Variants in MYO1A observed in about 807,000 individuals in gnomAD.
The protein encoded by MYO1A is unconventional myosin-Ia.
MYO1A carries 127 observed loss-of-function variants against 138.5 expected under a neutral mutation model. The ratio of observed to expected loss-of-function variants is 0.92; its 90% CI spans 0.79 to 1.06. The LOEUF (loss-of-function observed/expected upper bound fraction) is 1.06, where lower values mean the gene tolerates loss of function less well. MYO1A is among the 50% of genes least tolerant of loss of function. MYO1A has a pLI of 0.00. For missense variants in MYO1A, 1,211 were observed against 1,288.8 expected, an observed-to-expected ratio of 0.94 and a Z score of 0.92; for synonymous variants, 477 against 497.5, an observed-to-expected ratio of 0.96 and a Z score of 0.55.
At chr12:57,048,572 G>A (rs766370149) in intron 1 of MYO1A, among the ~76,000 whole-genome samples, 1 of 152,214 alleles carries the variant, frequency 6.6e-6, no homozygotes. Context: ...TACAGTTGGT[G>A]GGGGTGGGGC....
At position 57,028,899 on chromosome 12, in the gene MYO1A, A is replaced by C. The variant is rs976742743; in HGVS notation, c.3006-18T>G. The C allele has an allele frequency of 4.3e-6, 7 of 1,613,488 alleles. No homozygotes were observed. The highest frequency in any genetic ancestry group is 5.9e-6 in the Non-Finnish European group (7 of 1,179,780). On this transcript the variant is annotated intron_variant, in intron 27 of 27. Coordinates refer to ENST00000300119, the MANE Select transcript of MYO1A (RefSeq NM_005379.4). ...CTGAGAACCTGGAGAGGGAACAGAA[A>C]ACCAAGTCTAGTGCCCATCCCCTCA... is the stretch of plus-strand genomic sequence containing the variant.
chr12:57,047,556 T>A lies in MYO1A; in HGVS notation c.325+71A>T, dbSNP rs2031161334. 3.2e-6 allele frequency: 5 copies of A among 1,557,180 alleles called. No homozygotes were observed. In the South Asian group the frequency reaches 5.6e-5, roughly 17 times the overall value. ...TGTGGGGTGGAGGGTCAGGTCTAGG[T>A]CTGGCTTGCAAAGAGACAAGGAAGC... On this transcript the variant is annotated intron_variant, in intron 4 of 27. Coordinates refer to ENST00000300119, the MANE Select transcript of MYO1A (RefSeq NM_005379.4).
Position 57,029,885 on chromosome 12 carries a change from G to A in MYO1A, c.2592-13C>T. On this transcript the variant is annotated splice_polypyrimidine_tract_variant and intron_variant, in intron 24 of 27. Coordinates refer to ENST00000300119, the MANE Select transcript of MYO1A (RefSeq NM_005379.4). ...TGGAATGGGGACACTGAGAACACAT[G>A]GGAGGTGTGCAGCGCGACAAGGCCC... 6.2e-7 allele frequency: 1 copy of A among 1,614,182 alleles called. No individual in the cohort carries two copies. The highest frequency in any genetic ancestry group is 1.1e-5 in the South Asian group (1 of 91,076).
Position 57,043,196 on chromosome 12 carries a change from G to C in MYO1A, c.1012-38C>G, listed in dbSNP as rs1244446615. On this transcript the variant is annotated intron_variant, in intron 11 of 27. Transcript: ENST00000300119. ...CACAGCTGATTAGGGTGGCATCACA[G>C]AACAGGGTCGAAACAGCCCCCTCCA... is the stretch of plus-strand genomic sequence containing the variant. 5 of 1,613,908 alleles carry C rather than the reference G, an allele frequency of 3.1e-6. No homozygotes were observed. The East Asian group carries it at 8.9e-5, about 29-fold the overall frequency.
chr12:57,047,979 C>T lies in MYO1A; in HGVS notation c.230+10G>A. On this transcript the variant is annotated intron_variant, in intron 3 of 27. Coordinates refer to ENST00000300119, the MANE Select transcript of MYO1A (RefSeq NM_005379.4). ...GGCCCTGTCAGCCTTCCCTTGGTCC[C>T]CCTACTCACATATGGGGCTTCAGCT... 6.2e-7 allele frequency: 1 copy of T among 1,610,366 alleles called. No individual in the cohort carries two copies. Among genetic ancestry groups the T allele is most frequent in the East Asian group, 2.2e-5 (1 of 44,832 alleles).
intron 12 of MYO1A, among the ~76,000 whole-genome samples, chr12:57,042,641 A>G (rs1175907251): frequency 3.3e-5 from 5 of 152,200 alleles, no homozygotes; most frequent in African/African-American, 1.2e-4. Context: ...CATAAAATAT[A>G]GAGTTGGGGT....
chr12:57,043,186 T>C (rs747781365), intron 11 of MYO1A, 28 bp from the exon 12 acceptor site: 3 of 1,613,948 alleles, frequency 1.9e-6, no homozygotes, highest in Admixed American at 3.3e-5. Context: ...CTGATTAGGG[T>C]GGCATCACAG....
At chr12:57,042,607 T>A (rs1263680064) in intron 12 of MYO1A, among the ~76,000 whole-genome samples, 1 of 152,144 alleles carries the variant, frequency 6.6e-6, no homozygotes, top group East Asian at 1.9e-4. Flanking sequence ...TCTTAAATAG[T>A]TTTTTATTTA....
intron 22 of MYO1A, among the ~76,000 whole-genome samples, chr12:57,034,695 G>A (rs1245071604): frequency 1.3e-5 from 2 of 151,824 alleles, no homozygotes; most frequent in Admixed American, 6.6e-5. Context: ...TAGGCTGGGC[G>A]CAGTGGCTCA....
intron 14 of MYO1A, among the ~76,000 whole-genome samples, chr12:57,040,560 TA>T (rs1342968510): frequency 6.6e-6 from 1 of 152,158 alleles, no homozygotes; most frequent in Non-Finnish European, 1.5e-5. Flanking sequence ...ACAAAACAAC[TA>T]AAAAAACTTT....
At chr12:57,046,381 A>C (rs2031088522) in intron 8 of MYO1A, among the ~76,000 whole-genome samples, 171 bp downstream of exon 8, 1 of 152,190 alleles carries the variant, frequency 6.6e-6, no homozygotes, top group Admixed American at 6.5e-5. Flanking sequence ...ATTTGTTCCC[A>C]ACAATGAGTG....
At position 57,038,872 on chromosome 12, in the gene MYO1A, G is replaced by C. The variant is rs772811622; in HGVS notation, c.1470C>G (p.Ala490=). The change falls in exon 16 of 28, where the codon GCC becomes GCG. Residue 490 remains alanine (A), a synonymous_variant. Transcript: ENST00000300119. Reference sequence around the variant, plus strand: ...CCATGGTGTGGTCATACTGACGCTGGGCATTCTGGGTGACTTTGCTCTCGT... The same window carrying C: ...CCATGGTGTGGTCATACTGACGCTGCGCATTCTGGGTGACTTTGCTCTCGT... ...GHYESKVTQN[A]QRQYDHTMGL... is the part of the protein sequence containing the mutation. 9 of 1,614,058 alleles carry C rather than the reference G, an allele frequency of 5.6e-6. No individual in the cohort carries two copies. Among genetic ancestry groups the C allele is most frequent in the Admixed American group, 1.7e-5 (1 of 59,984 alleles).
chr12:57,030,411 G>A (rs1455249679), intron 23 of MYO1A, 95 bp from the exon 24 acceptor site: 1 of 1,042,850 alleles, frequency 9.6e-7, no homozygotes, highest in African/African-American at 1.6e-5. Flanking sequence ...CACTAGGAGA[G>A]GAGAGAGACT....
At chr12:57,044,342 T>C in intron 8 of MYO1A, 133 bp from the exon 9 acceptor site, 1 of 726,566 alleles carries the variant, frequency 1.4e-6, no homozygotes, top group South Asian at 1.5e-5. Context: ...TTTGGGTTCT[T>C]CCCCTGCCTC....
At chr12:57,030,930 A>T in intron 23 of MYO1A, 110 bp downstream of exon 23, 2 of 1,357,048 alleles carry the variant, frequency 1.5e-6, no homozygotes, top group Non-Finnish European at 2.0e-6. Flanking sequence ...TGTATATTTT[A>T]CCACAATTTT....
rs1405485825 is a variant in MYO1A, at chr12:57,029,890, G to T, written c.2592-18C>A. ...TGGGGACACTGAGAACACATGGGAG[G>T]TGTGCAGCGCGACAAGGCCCAGAGG... On this transcript the variant is annotated intron_variant, in intron 24 of 27. Transcript: ENST00000300119. 2 of 1,614,122 alleles carry T rather than the reference G, an allele frequency of 1.2e-6. No homozygotes were observed. The highest frequency in any genetic ancestry group is 2.2e-5 in the South Asian group (2 of 91,078).
At chr12:57,047,522 A>G in intron 4 of MYO1A, 105 bp downstream of exon 4, 7 of 1,511,870 alleles carry the variant, frequency 4.6e-6, no homozygotes, top group Non-Finnish European at 5.5e-6. Context: ...AAAAGTGGAA[A>G]GGAAGTTCTG....
In MYO1A at chr12:57,038,492, G is replaced by A. The variant is rs1565643930; in HGVS notation, c.1680C>T (p.Pro560=). 4 of 1,614,186 alleles carry A rather than the reference G, an allele frequency of 2.5e-6. No homozygotes were observed. The highest frequency in any genetic ancestry group is 3.4e-6 in the Non-Finnish European group (4 of 1,180,036). Residue 560 remains proline (P), a synonymous_variant, in exon 17 of 28, where the codon CCC becomes CCT. Coordinates refer to ENST00000300119, the MANE Select transcript of MYO1A (RefSeq NM_005379.4). ...GNPKQASLKR[P]PTAGAQFKSS... ...TCTTGAACTGGGCCCCAGCAGTCGGGGGGCGTTTGAGAGATGCCTGCTTAG... is the reference window on the plus strand; with the variant it reads ...TCTTGAACTGGGCCCCAGCAGTCGGAGGGCGTTTGAGAGATGCCTGCTTAG...
At chr12:57,030,980 A>C (rs993527920) in intron 23 of MYO1A, 60 bp downstream of exon 23, 2 of 1,598,854 alleles carry the variant, frequency 1.3e-6, no homozygotes, top group Non-Finnish European at 1.7e-6. Flanking sequence ...CAAAAGAGGA[A>C]AATCAGGGGG....
Sources: gnomAD v4.1 joint callset for allele counts (sites outside exome capture counted in the v4.1 genomes callset) on GRCh38, gnomAD v4.1.1 for gene constraint, MANE v1.5 for transcripts, NCBI Gene and HGNC (gene_info 2026-07-23, HGNC 2026-07-21) for gene names.